The following ENOX1 variants were observed in gnomAD, a reference collection of about 807,000 sequenced individuals.
The protein encoded by ENOX1 is candidate growth-related and time keeping constitutive hydroquinone (NADH) oxidase.
Under a neutral mutation model 82.5 loss-of-function variants are expected in ENOX1, and 42 were observed. The observed-to-expected ratio is 0.51, with a 90% CI of 0.40 to 0.66. ENOX1 has a LOEUF of 0.66. Among genes scored for constraint, ENOX1 ranks in the 30% least tolerant of loss-of-function variants. The probability of loss-of-function intolerance (pLI) is 0.00; values close to 1 mark genes in which losing one functional copy is unlikely to be tolerated. For synonymous variants in ENOX1, 271 were observed against 282.2 expected (o/e 0.96, Z 0.40); for missense variants, 608 against 811.6 (o/e 0.75, Z 3.05).
chr13:43,285,871 A>G (rs1026786889), intron 12 of ENOX1, among the ~76,000 whole-genome samples: 2 of 145,576 alleles, frequency 1.4e-5, no homozygotes, highest in African/African-American at 2.5e-5. Flanking sequence ...CTTTGTTCCA[A>G]TGCTGTATTT....
intron 3 of ENOX1, among the ~76,000 whole-genome samples, chr13:43,478,054 G>GTTTTTTTTTTTTT (rs756717438): frequency 1.0e-5 from 1 of 100,450 alleles, no homozygotes; most frequent in Non-Finnish European, 1.9e-5. Flanking sequence ...AGCCAGAGAG[G>GTTTTTTTTTTTTT]TTTTTTTTTT....
intron 5 of ENOX1, among the ~76,000 whole-genome samples, chr13:43,382,469 GACA>G (rs1566082955): frequency 6.6e-6 from 1 of 152,110 alleles, no homozygotes. Context: ...CAGGATATAT[GACA>G]ACATGCGTGA....
At chr13:43,633,505 G>T (rs2083296724) in intron 2 of ENOX1, among the ~76,000 whole-genome samples, 1 of 151,928 alleles carries the variant, frequency 6.6e-6, no homozygotes, top group South Asian at 2.1e-4. Context: ...CACGTGTAGG[G>T]GAATGATAAA....
intron 2 of ENOX1, among the ~76,000 whole-genome samples, chr13:43,651,659 G>A (rs374191380): frequency 1.5e-5 from 2 of 132,676 alleles, no homozygotes; most frequent in South Asian, 2.4e-4. Flanking sequence ...AGCACACCAC[G>A]ACACTCCAGC....
At chr13:43,590,943 A>C (rs906499055) in intron 2 of ENOX1, among the ~76,000 whole-genome samples, 31 of 152,246 alleles carry the variant, frequency 2.0e-4, no homozygotes, top group African/African-American at 7.0e-4. Flanking sequence ...CATAAATTTA[A>C]ACCAGGAGGT....
At chr13:43,387,689 C>T (rs2052506954) in intron 5 of ENOX1, among the ~76,000 whole-genome samples, 1 of 152,062 alleles carries the variant, frequency 6.6e-6, no homozygotes, top group Non-Finnish European at 1.5e-5. Flanking sequence ...TAAACATACA[C>T]ATGCACACAC....
rs187532839 is a variant in ENOX1, at chr13:43,578,698, G to A, written c.-219+88781C>T. 6.6e-5 allele frequency among the ~76,000 whole-genome samples: 10 copies of A among 152,220 alleles called. No homozygotes were observed. In the East Asian group the frequency reaches 1.7e-3, roughly 26 times the overall value. On this transcript the variant is annotated intron_variant, in intron 2 of 16. Coordinates refer to ENST00000690772, the MANE Select transcript of ENOX1 (RefSeq NM_001347969.2). ...TTTGCCTCCTCTCTCTAGAATGTAA[G>A]CTCTGTTAGAGCACAGCTGATATGG...
rs563869296 is a variant in ENOX1, at chr13:43,292,761, C to T, written c.1446+5585G>A. Among the ~76,000 whole-genome samples, 14 of 151,322 alleles carry T rather than the reference C, an allele frequency of 9.3e-5. No homozygotes were observed. The South Asian group carries it at 1.9e-3, about 21-fold the overall frequency. ...TAGCCACCAACACAGCCATAGCCAC[C>T]GTTGCCACTATGGCCCCTTCACCAC... On this transcript the variant is annotated intron_variant, in intron 12 of 16. Transcript: ENST00000690772.
chr13:43,616,256 G>A (rs2082474529), intron 2 of ENOX1, among the ~76,000 whole-genome samples: 1 of 131,218 alleles, frequency 7.6e-6, no homozygotes, highest in Non-Finnish European at 1.6e-5. Flanking sequence ...AGGCTGGAGT[G>A]CAGTGGTGTG....
chr13:43,701,892 A>G (rs909477479), intron 1 of ENOX1, among the ~76,000 whole-genome samples: 1 of 152,214 alleles, frequency 6.6e-6, no homozygotes, highest in Admixed American at 6.5e-5. Flanking sequence ...GTATGTATAT[A>G]TATAGTTTTA....
chr13:43,298,560 A>C, intron 11 of ENOX1, 30 bp from the exon 12 acceptor site: 1 of 1,572,714 alleles, frequency 6.4e-7, no homozygotes, highest in Non-Finnish European at 8.6e-7. Context: ...AGTTCAGGTG[A>C]GCTACCTTCT....
chr13:43,513,424 C>T (rs1376024869), intron 2 of ENOX1, among the ~76,000 whole-genome samples: 1 of 152,146 alleles, frequency 6.6e-6, no homozygotes, highest in Non-Finnish European at 1.5e-5. Flanking sequence ...GGGACTATTA[C>T]TGTTTTTCTA....
At chr13:43,353,522 C>T (rs981169211) in intron 8 of ENOX1, among the ~76,000 whole-genome samples, 2 of 152,100 alleles carry the variant, frequency 1.3e-5, no homozygotes, top group Non-Finnish European at 1.5e-5. Flanking sequence ...ATTTTATGTC[C>T]CCACATCAAT....
intron 11 of ENOX1, among the ~76,000 whole-genome samples, chr13:43,317,723 G>A (rs911683676): frequency 1.2e-4 from 18 of 151,294 alleles, no homozygotes; most frequent in South Asian, 6.3e-4. Context: ...AAAAAATTCC[G>A]GGCCAGGCGT....
intron 2 of ENOX1, among the ~76,000 whole-genome samples, chr13:43,523,811 C>T (rs1566446698): frequency 6.6e-6 from 1 of 152,056 alleles, no homozygotes; most frequent in Non-Finnish European, 1.5e-5. Flanking sequence ...TTAACTAATG[C>T]TATGTATTTT....
At chr13:43,669,388 T>C (rs2085147484) in intron 1 of ENOX1, among the ~76,000 whole-genome samples, 1 of 152,072 alleles carries the variant, frequency 6.6e-6, no homozygotes, top group African/African-American at 2.4e-5. Context: ...TTCTTGTGAT[T>C]TCTCTGACTC....
chr13:43,292,292 T>A (rs2046042383), intron 12 of ENOX1, among the ~76,000 whole-genome samples: 3 of 151,908 alleles, frequency 2.0e-5, no homozygotes, highest in Non-Finnish European at 4.4e-5. Flanking sequence ...TAAAATAATA[T>A]GATTACCAAG....
intron 2 of ENOX1, among the ~76,000 whole-genome samples, chr13:43,505,441 C>T (rs2077119549): frequency 6.6e-6 from 1 of 151,920 alleles, no homozygotes; most frequent in Non-Finnish European, 1.5e-5. Flanking sequence ...ATCTCTGATA[C>T]AAAGTTTGCA....
intron 2 of ENOX1, among the ~76,000 whole-genome samples, chr13:43,619,461 G>A (rs1469580645): frequency 6.6e-6 from 1 of 151,976 alleles, no homozygotes; most frequent in African/African-American, 2.4e-5. Context: ...ATCATAAAGG[G>A]GTGCTGGATT....
Sources: gnomAD v4.1 joint callset for allele counts (sites outside exome capture counted in the v4.1 genomes callset) on GRCh38, gnomAD v4.1.1 for gene constraint, MANE v1.5 for transcripts, NCBI Gene and HGNC (gene_info 2026-07-23, HGNC 2026-07-21) for gene names.